MAEA: variants seen among roughly 807,000 people sequenced by gnomAD.
MAEA encodes the protein macrophage erythroblast attacher, E3 ubiquitin ligase.
In MAEA, 22 loss-of-function variants were observed where a neutral mutation model predicts 46.2. That is an observed-to-expected ratio of 0.48 (90% CI 0.34 to 0.68). The LOEUF is 0.68. MAEA is among the 30% of genes least tolerant of loss of function. The probability of loss-of-function intolerance (pLI) is 0.01; values close to 1 mark genes in which losing one functional copy is unlikely to be tolerated. For missense variants in MAEA, 393 were observed against 558.1 expected, an observed-to-expected ratio of 0.70 and a Z score of 2.98; for synonymous variants, 246 against 222.6, an observed-to-expected ratio of 1.11 and a Z score of -0.94.
chr4:1,310,025 C>T (rs923825739), intron 1 of MAEA: 3 of 1,178,492 alleles, frequency 2.5e-6, no homozygotes, highest in African/African-American at 3.1e-5. Context: ...GGTTCCTCCG[C>T]GCGAGCGAGG....
intron 1 of MAEA, among the ~76,000 whole-genome samples, chr4:1,292,893 T>TTC (rs1423012808): frequency 1.3e-5 from 2 of 149,214 alleles, no homozygotes; most frequent in Non-Finnish European, 3.0e-5. Flanking sequence ...CATCTTTTTT[T>TTC]TTTTTTTTTT....
chr4:1,296,359 A>G (rs1372357726), intron 1 of MAEA, among the ~76,000 whole-genome samples: 12 of 32,040 alleles, frequency 3.7e-4, no homozygotes, highest in East Asian at 1.2e-3. Context: ...CCCCACCCGC[A>G]CCTGTGCCCC....
chr4:1,323,985 T>C (rs1268515482), intron 4 of MAEA, among the ~76,000 whole-genome samples: 1 of 143,662 alleles, frequency 7.0e-6, no homozygotes, highest in Non-Finnish European at 1.5e-5. Flanking sequence ...GCATGCCTTG[T>C]GTTGGATGAG....
At position 1,336,971 on chromosome 4, in the gene MAEA, T is replaced by C. The variant is rs1128427; in HGVS notation, c.876T>C (p.Ala292=). 0.57 allele frequency: 917,214 copies of C among 1,613,524 alleles called. 264,369 individuals carry two copies. Among genetic ancestry groups the C allele is most frequent in the Admixed American group, 0.75 (45,167 of 60,004 alleles). ...CTGTGTTCACCCTCACCCTGCAGGC[T>C]GGCCTCTCAGCCATCAAGACACCGT... ...NNSVFTLTLQ[A]GLSAIKTPQC... The change falls in exon 7 of 9, where the codon GCT becomes GCC. Residue 292 remains alanine (A), a synonymous_variant. Transcript: ENST00000303400.
chr4:1,325,396 G>A (rs760203370), intron 4 of MAEA, among the ~76,000 whole-genome samples: 2 of 152,234 alleles, frequency 1.3e-5, no homozygotes, highest in Non-Finnish European at 2.9e-5. Flanking sequence ...ATGGGACAGT[G>A]TAGACTCGGT....
chr4:1,298,302 C>T (rs1251209184), intron 1 of MAEA, among the ~76,000 whole-genome samples: 1 of 149,652 alleles, frequency 6.7e-6, no homozygotes, highest in Admixed American at 6.7e-5. Context: ...GACCCCCTGC[C>T]CCATCCCTGT....
At chr4:1,323,863 C>T (rs1196581156) in intron 4 of MAEA, among the ~76,000 whole-genome samples, 3 of 152,248 alleles carry the variant, frequency 2.0e-5, no homozygotes, top group Non-Finnish European at 2.9e-5. Flanking sequence ...GGCCAGGACT[C>T]GGGGCCCTGA....
At chr4:1,291,855 A>G (rs1010514803) in intron 1 of MAEA, among the ~76,000 whole-genome samples, 1 of 152,246 alleles carries the variant, frequency 6.6e-6, no homozygotes, top group African/African-American at 2.4e-5. Flanking sequence ...ATAGTCATAC[A>G]GGTAAAGAAA....
intron 1 of MAEA, among the ~76,000 whole-genome samples, chr4:1,305,734 T>C (rs1033186744): frequency 9.5e-4 from 144 of 151,944 alleles, no homozygotes; most frequent in African/African-American, 3.2e-3. Context: ...TGCGCACGCG[T>C]GTGTGGGAGT....
chr4:1,309,641 G>C (rs753946643), intron 1 of MAEA: 4 of 1,530,398 alleles, frequency 2.6e-6, no homozygotes, highest in Admixed American at 2.0e-5. Context: ...AGGAGTAAGC[G>C]GCTGGATGTG....
At chr4:1,329,682 G>A (rs750139407) in intron 5 of MAEA, 5 of 985,630 alleles carry the variant, frequency 5.1e-6, no homozygotes, top group Non-Finnish European at 6.0e-6. Context: ...CCACCCACAA[G>A]GCACACGGGA....
intron 1 of MAEA, among the ~76,000 whole-genome samples, chr4:1,295,086 C>G (rs575848771): frequency 7.1e-4 from 108 of 152,180 alleles, no homozygotes; most frequent in African/African-American, 2.3e-3. Flanking sequence ...GAATGGGAAG[C>G]AAGCCCAAGG....
chr4:1,303,859 C>T (rs73796082), intron 1 of MAEA, among the ~76,000 whole-genome samples: 3,309 of 147,162 alleles, frequency 0.022, 147 homozygotes, highest in African/African-American at 0.079. Context: ...AACTGAAGAG[C>T]ATGCTTGCAC....
At chr4:1,329,159 T>C in intron 5 of MAEA, 1 of 985,664 alleles carries the variant, frequency 1.0e-6, no homozygotes, top group Non-Finnish European at 1.2e-6. Context: ...GATGTCTTCA[T>C]CTAGGTGGCA....
intron 4 of MAEA, chr4:1,323,718 A>G: frequency 1.5e-6 from 1 of 670,762 alleles, no homozygotes; most frequent in South Asian, 1.6e-5. Context: ...TGTGGATGTC[A>G]GAGGGAAGAT....
rs1327218367 is a variant in MAEA at position 1,321,861 on chromosome 4, GTTTTTTTTGTTGTTT to G, written c.457-511_457-497del. Among the ~76,000 whole-genome samples, 3 of 134,948 alleles carry G rather than the reference GTTTTTTTTGTTGTTT, an allele frequency of 2.2e-5. No individual in the cohort carries two copies. In the East Asian group the frequency reaches 6.9e-4, roughly 31 times the overall value. 88.5% of individuals were successfully genotyped at this position (134,948 alleles called of 152,430 possible). Reference sequence around the variant, plus strand: ...CTTGATGCTAAGCCTGGGTTACTCTGTTTTTTTTGTTGTTTTTTTTTTTTTTCTTTGCTTTCATAT... The same window carrying G: ...CTTGATGCTAAGCCTGGGTTACTCTGTTTTTTTTTTTCTTTGCTTTCATAT... On this transcript the variant is annotated intron_variant, in intron 3 of 8. Coordinates refer to ENST00000303400, the MANE Select transcript of MAEA (RefSeq NM_001017405.3).
chr4:1,301,364 G>A (rs1201601006), intron 1 of MAEA, among the ~76,000 whole-genome samples: 2 of 152,228 alleles, frequency 1.3e-5, no homozygotes, highest in African/African-American at 4.8e-5. Context: ...GATTACTGCT[G>A]TGAGTCACCA....
intron 5 of MAEA, chr4:1,330,994 A>T (rs1405872181): frequency 6.6e-6 from 1 of 152,074 alleles, no homozygotes; most frequent in Non-Finnish European, 1.5e-5. Flanking sequence ...GATCTTGTAG[A>T]TGTCAACCAC....
chr4:1,296,831 T>C (rs1408408999), intron 1 of MAEA, among the ~76,000 whole-genome samples: 1 of 152,126 alleles, frequency 6.6e-6, no homozygotes, highest in Non-Finnish European at 1.5e-5. Flanking sequence ...ATCACTCGGC[T>C]CCCGTGACAC....
Sources: gnomAD v4.1 joint callset for allele counts (sites outside exome capture counted in the v4.1 genomes callset) on GRCh38, gnomAD v4.1.1 for gene constraint, MANE v1.5 for transcripts, NCBI Gene and HGNC (gene_info 2026-07-23, HGNC 2026-07-21) for gene names.